The following ALG14 variants were observed in gnomAD, a reference collection of about 807,000 sequenced individuals.
ALG14 encodes UDP-N-acetylglucosamine transferase subunit ALG14.
Under a neutral mutation model 22.8 loss-of-function variants are expected in ALG14, and 17 were observed. That is an observed-to-expected ratio of 0.75 (90% CI 0.51 to 1.12). The LOEUF (loss-of-function observed/expected upper bound fraction) is 1.12, where lower values mean the gene tolerates loss of function less well. ALG14 is among the 50% of genes most tolerant of loss of function. The pLI, the probability that ALG14 is intolerant of heterozygous loss-of-function variation, is 0.00. For synonymous variants in ALG14, 89 were observed against 103.7 expected (o/e 0.86, Z 0.86); for missense variants, 288 against 271.8 (o/e 1.06, Z -0.42).
chr1:94,982,882 G>A lies in ALG14; in HGVS notation c.*194C>T, dbSNP rs538442637. 9 of 573,020 alleles carry A rather than the reference G, an allele frequency of 1.6e-5. No homozygotes were observed. Among genetic ancestry groups the A allele is most frequent in the African/African-American group, 9.3e-5 (5 of 53,478 alleles). The allele number at this position is 573,020 out of a possible 1,614,324, so 35.5% of individuals were successfully genotyped here. ...AGAGGCATAAACATTTAGTAGTTACGTTTATCAATGTTTGTTTCATAAGAG... is the reference window on the plus strand; with the variant it reads ...AGAGGCATAAACATTTAGTAGTTACATTTATCAATGTTTGTTTCATAAGAG... On this transcript the variant is annotated 3_prime_UTR_variant, in exon 4 of 4. Transcript: ENST00000370205.
At chr1:95,031,753 A>C (rs1674011860) in intron 2 of ALG14, among the ~76,000 whole-genome samples, 1 of 151,922 alleles carries the variant, frequency 6.6e-6, no homozygotes, top group Non-Finnish European at 1.5e-5. Context: ...CATATTATAT[A>C]CTTATTTATT....
intron 3 of ALG14, among the ~76,000 whole-genome samples, chr1:95,002,265 T>G (rs1673089868): frequency 1.3e-5 from 2 of 149,938 alleles, no homozygotes; most frequent in East Asian, 2.0e-4. Context: ...ACCTGGAAGG[T>G]GGGGAGAAGT....
At chr1:95,035,164 A>G (rs1424897982) in intron 2 of ALG14, among the ~76,000 whole-genome samples, 2 of 152,036 alleles carry the variant, frequency 1.3e-5, no homozygotes, top group Non-Finnish European at 2.9e-5. Flanking sequence ...ATATGTTCCT[A>G]GAAAGGATGT....
intron 3 of ALG14, among the ~76,000 whole-genome samples, chr1:95,021,533 G>A (rs575903114): frequency 8.5e-5 from 13 of 152,234 alleles, no homozygotes; most frequent in South Asian, 4.1e-4. Flanking sequence ...GTCAAAGAGC[G>A]ATTTTAAAGA....
chr1:95,062,094 C>A (rs913625348), intron 2 of ALG14: 1 of 152,038 alleles, frequency 6.6e-6, no homozygotes, highest in Non-Finnish European at 1.5e-5. Flanking sequence ...GAAGAAACAG[C>A]AGTCATAGAT....
intron 3 of ALG14, among the ~76,000 whole-genome samples, chr1:94,996,807 G>C (rs545588597): frequency 1.3e-5 from 2 of 152,126 alleles, no homozygotes; most frequent in South Asian, 4.2e-4. Flanking sequence ...TCAGCCTCTT[G>C]AGTAGCTGGG....
At chr1:94,998,134 A>G (rs1440024375) in intron 3 of ALG14, among the ~76,000 whole-genome samples, 5 of 152,258 alleles carry the variant, frequency 3.3e-5, no homozygotes, top group African/African-American at 4.8e-5. Flanking sequence ...CATTTAAAAT[A>G]AAATTCTGTT....
chr1:94,997,446 A>G (rs1217912366), intron 3 of ALG14, among the ~76,000 whole-genome samples: 1 of 152,210 alleles, frequency 6.6e-6, no homozygotes, highest in Non-Finnish European at 1.5e-5. Flanking sequence ...TCTAATTCAA[A>G]TATGAAGCCC....
At chr1:94,984,427 G>A (rs1672585689) in intron 3 of ALG14, among the ~76,000 whole-genome samples, 1 of 152,174 alleles carries the variant, frequency 6.6e-6, no homozygotes, top group Admixed American at 6.5e-5. Flanking sequence ...ACATGGTCAG[G>A]GCTGTAGGGT....
At chr1:95,006,306 G>C (rs1673217871) in intron 3 of ALG14, among the ~76,000 whole-genome samples, 1 of 151,988 alleles carries the variant, frequency 6.6e-6, no homozygotes, top group Non-Finnish European at 1.5e-5. Context: ...ATTAAAATTA[G>C]AGCATTTTAT....
chr1:94,983,457 A>C (rs1266259177), intron 3 of ALG14, 151 bp from the exon 4 acceptor site: 1 of 676,250 alleles, frequency 1.5e-6, no homozygotes, highest in Non-Finnish European at 2.5e-6. Context: ...CAAACAGCGC[A>C]TGTTTAAGCC....
At position 94,975,406 on chromosome 1, in the gene ALG14, T is replaced by C. The variant is rs1407595906; in HGVS notation, c.*7670A>G. 1 of 152,234 alleles carries C rather than the reference T, an allele frequency of 6.6e-6. No homozygotes were observed. Among genetic ancestry groups the C allele is most frequent in the Non-Finnish European group, 1.5e-5 (1 of 68,054 alleles). 9.4% of individuals were successfully genotyped at this position (152,234 alleles called of 1,614,324 possible). A position where few individuals can be genotyped will look rare whatever the true frequency, so the allele number is the denominator to read the frequency against. ...GTTTATCTGTTCATTAGTAGAGCAT[T>C]TGGGTTGTTTCTACTTTCGGGTTAT... On this transcript the variant is annotated 3_prime_UTR_variant, in exon 4 of 4. Coordinates refer to ENST00000370205, the MANE Select transcript of ALG14 (RefSeq NM_144988.4).
chr1:95,002,446 A>G (rs1673094560), intron 3 of ALG14, among the ~76,000 whole-genome samples: 1 of 152,180 alleles, frequency 6.6e-6, no homozygotes, highest in South Asian at 2.1e-4. Flanking sequence ...GGATGAACAT[A>G]AAAACGCCAG....
chr1:95,064,937 T>C lies in ALG14; in HGVS notation c.217A>G (p.Thr73Ala), dbSNP rs1675303440. ...YSPRHYVIAD[T>A]DEMSANKINS... ...ATTTTATTGGCACTCATTTCATCAG[T>C]GTCAGCAATGACATAATGTCTAGGT... is the stretch of plus-strand genomic sequence containing the variant. Residue 73 changes from threonine to alanine, a missense_variant, in exon 2 of 4, where the codon ACT becomes GCT. Physicochemically the swap from Thr to Ala is moderately conservative, Grantham distance 58 (BLOSUM62 0). Coordinates refer to ENST00000370205, the MANE Select transcript of ALG14 (RefSeq NM_144988.4). 1.5e-5 allele frequency: 25 copies of C among 1,613,964 alleles called. No homozygotes were observed. The East Asian group carries it at 5.3e-4, about 35-fold the overall frequency.
intron 3 of ALG14, among the ~76,000 whole-genome samples, chr1:95,009,815 A>T (rs1436817252): frequency 6.6e-6 from 1 of 152,212 alleles, no homozygotes; most frequent in African/African-American, 2.4e-5. Context: ...GTATTATACC[A>T]GCATTAATAT....
intron 2 of ALG14, among the ~76,000 whole-genome samples, chr1:95,045,144 G>A (rs1168588803): frequency 6.6e-6 from 1 of 151,994 alleles, no homozygotes; most frequent in Non-Finnish European, 1.5e-5. Context: ...ATTGAGTTTT[G>A]CATATTTGGC....
At chr1:95,046,541 A>G (rs1674562442) in intron 2 of ALG14, among the ~76,000 whole-genome samples, 1 of 152,208 alleles carries the variant, frequency 6.6e-6, no homozygotes, top group Non-Finnish European at 1.5e-5. Context: ...GGTGCCAAAA[A>G]GGTTGAGGAC....
chr1:94,987,215 C>A (rs1322116264), intron 3 of ALG14, among the ~76,000 whole-genome samples: 3 of 152,172 alleles, frequency 2.0e-5, no homozygotes, highest in Non-Finnish European at 2.9e-5. Flanking sequence ...CTGAAGGAAA[C>A]CAGACCTGTC....
At chr1:95,027,883 T>C (rs758635466) in intron 2 of ALG14, among the ~76,000 whole-genome samples, 16 of 152,236 alleles carry the variant, frequency 1.1e-4, no homozygotes, top group African/African-American at 3.9e-4. Flanking sequence ...TCTGGAAATA[T>C]ATCCCACAGA....
Sources: allele counts gnomAD v4.1 joint callset (sites outside exome capture counted in the v4.1 genomes callset), GRCh38; gene constraint gnomAD v4.1.1; transcripts MANE v1.5; gene names NCBI Gene and HGNC (gene_info 2026-07-23, HGNC 2026-07-21).